PRKCE: variants seen among roughly 807,000 people sequenced by gnomAD.
PRKCE encodes protein kinase C epsilon type.
Under a neutral mutation model 85.4 loss-of-function variants are expected in PRKCE, and 16 were observed. That is an observed-to-expected ratio of 0.19 (90% CI 0.13 to 0.28). The LOEUF (loss-of-function observed/expected upper bound fraction) is 0.28, where lower values mean the gene tolerates loss of function less well. PRKCE is among the 10% of genes least tolerant of loss of function. PRKCE has a pLI of 1.00. For missense variants in PRKCE, 573 were observed against 975.2 expected, an observed-to-expected ratio of 0.59 and a Z score of 5.49; for synonymous variants, 388 against 371.5, an observed-to-expected ratio of 1.04 and a Z score of -0.51.
chr2:46,083,490 T>C (rs1051032309), intron 10 of PRKCE, among the ~76,000 whole-genome samples: 1 of 152,150 alleles, frequency 6.6e-6, no homozygotes, highest in Non-Finnish European at 1.5e-5. Flanking sequence ...GTCAAGGAAA[T>C]ACTCCATTGT....
At chr2:45,795,994 C>T (rs1180738380) in intron 1 of PRKCE, among the ~76,000 whole-genome samples, 3 of 152,222 alleles carry the variant, frequency 2.0e-5, no homozygotes, top group Non-Finnish European at 2.9e-5. Flanking sequence ...CTAAGCAATA[C>T]TCCCATCCTC....
intron 2 of PRKCE, among the ~76,000 whole-genome samples, chr2:45,858,273 AT>A (rs1365139680): frequency 6.6e-6 from 1 of 152,150 alleles, no homozygotes; most frequent in African/African-American, 2.4e-5. Context: ...TTTATTTTTA[AT>A]TTTTTTAAAC....
chr2:46,037,051 G>A (rs767665963), intron 10 of PRKCE, among the ~76,000 whole-genome samples: 10 of 152,128 alleles, frequency 6.6e-5, no homozygotes, highest in Admixed American at 2.0e-4. Context: ...CACAGCTGGC[G>A]TCCAGGACAC....
At chr2:45,728,444 T>C (rs1344955073) in intron 1 of PRKCE, among the ~76,000 whole-genome samples, 2 of 152,278 alleles carry the variant, frequency 1.3e-5, no homozygotes, top group East Asian at 3.9e-4. Flanking sequence ...CTTCCCCCAA[T>C]AGTCCCATGC....
rs146578193 is a variant in PRKCE at position 46,171,375 on chromosome 2, G to C, written c.2067+11623G>C. 7.1e-3 allele frequency among the ~76,000 whole-genome samples: 1,087 copies of C among 152,374 alleles called. 4 individuals are homozygous for C. The highest frequency in any genetic ancestry group is 0.012 in the Non-Finnish European group (800 of 68,034). Reference sequence around the variant, plus strand: ...CTTGCACTGTGAGGGGTACACGGCAGAATGCAGTTGTTTGTTTGATGTTAA... The same window carrying C: ...CTTGCACTGTGAGGGGTACACGGCACAATGCAGTTGTTTGTTTGATGTTAA... On this transcript the variant is annotated intron_variant, in intron 14 of 14. Coordinates refer to ENST00000306156, the MANE Select transcript of PRKCE (RefSeq NM_005400.3).
chr2:45,734,539 G>C (rs1681880746), intron 1 of PRKCE, among the ~76,000 whole-genome samples: 1 of 152,238 alleles, frequency 6.6e-6, no homozygotes, highest in South Asian at 2.1e-4. Context: ...GAGAGAAGCA[G>C]CAGCTTGATG....
chr2:45,884,995 A>ATTTTTTTTTTT (rs1210402363), intron 2 of PRKCE, among the ~76,000 whole-genome samples: 7 of 70,252 alleles, frequency 1.0e-4, no homozygotes, highest in East Asian at 6.0e-4. Flanking sequence ...ATATATATAT[A>ATTTTTTTTTTT]TATATATTTG....
intron 2 of PRKCE, among the ~76,000 whole-genome samples, chr2:45,855,651 G>T (rs756409999): frequency 2.6e-5 from 4 of 152,184 alleles, no homozygotes; most frequent in African/African-American, 9.7e-5. Flanking sequence ...TCCTTTCATC[G>T]TGCTTGCTTG....
rs751195190 is a variant in PRKCE at position 46,007,545 on chromosome 2, G to T, written c.1147G>T (p.Asp383Tyr). Residue 383 changes from aspartate to tyrosine, a missense_variant, in exon 9 of 15, where the codon GAT becomes TAT. Transcript: ENST00000306156. ...GGAGCACCGGGCAGCATCGTCTCCT[G>T]ATGGCCAGCTGATGAGCCCCGGTGA... The part of the protein sequence containing the change: ...GEEHRAASSP[D>Y]GQLMSPGENG... The T allele has an allele frequency of 6.3e-7, 1 of 1,599,692 alleles. No homozygotes were observed. Among genetic ancestry groups the T allele is most frequent in the Non-Finnish European group, 8.5e-7 (1 of 1,179,968 alleles).
At chr2:45,780,033 T>G (rs1039653247) in intron 1 of PRKCE, among the ~76,000 whole-genome samples, 1 of 149,414 alleles carries the variant, frequency 6.7e-6, no homozygotes, top group African/African-American at 2.5e-5. Flanking sequence ...ACATCATACA[T>G]TGCATCTGTA....
rs541720589 is a variant in PRKCE at position 45,859,355 on chromosome 2, G to C, written c.412+16292G>C. On this transcript the variant is annotated intron_variant, in intron 2 of 14. Transcript: ENST00000306156. ...ATTTACCCAGGCATGGTAAATGATGGTTCAACAGATACGTGCACATTCGGC... is the reference window on the plus strand; with the variant it reads ...ATTTACCCAGGCATGGTAAATGATGCTTCAACAGATACGTGCACATTCGGC... Among the ~76,000 whole-genome samples, 3 of 152,214 alleles carry C rather than the reference G, an allele frequency of 2.0e-5. No homozygotes were observed. In the East Asian group the frequency reaches 5.8e-4, roughly 29 times the overall value.
At chr2:45,718,223 T>G (rs1278083695) in intron 1 of PRKCE, among the ~76,000 whole-genome samples, 1 of 152,168 alleles carries the variant, frequency 6.6e-6, no homozygotes, top group Non-Finnish European at 1.5e-5. Flanking sequence ...CAAATGTCTT[T>G]AGACATTACC....
At chr2:45,943,399 G>C (rs1183801490) in intron 2 of PRKCE, among the ~76,000 whole-genome samples, 5 of 152,262 alleles carry the variant, frequency 3.3e-5, no homozygotes, top group Non-Finnish European at 7.3e-5. Flanking sequence ...AAGAGGGATA[G>C]GGCAGAGGGC....
chr2:45,761,199 C>T lies in PRKCE; in HGVS notation c.349-81801C>T, dbSNP rs201252523. Among the ~76,000 whole-genome samples the T allele has an allele frequency of 9.8e-4, 149 of 151,768 alleles. 1 individual carries two copies. Among genetic ancestry groups the T allele is most frequent in the African/African-American group, 2.9e-3 (122 of 41,362 alleles). ...AAAATTAGCCGAGTGTGGTGGTGGG[C>T]GCCTGTGGTCTCAGCTACTCGGGAG... On this transcript the variant is annotated intron_variant, in intron 1 of 14. Coordinates refer to ENST00000306156, the MANE Select transcript of PRKCE (RefSeq NM_005400.3).
chr2:45,905,318 A>T lies in PRKCE; in HGVS notation c.412+62255A>T, dbSNP rs561511670. Among the ~76,000 whole-genome samples the T allele has an allele frequency of 6.6e-6, 1 of 152,316 alleles. No individual in the cohort carries two copies. The highest frequency in any genetic ancestry group is 1.9e-4 in the East Asian group (1 of 5,186). ...AAGCTCCAAAAAAAAAGTAACTCAGAGGTCAAGGTGAACCCTGAATGAGTC... is the reference window on the plus strand; with the variant it reads ...AAGCTCCAAAAAAAAAGTAACTCAGTGGTCAAGGTGAACCCTGAATGAGTC... On this transcript the variant is annotated intron_variant, in intron 2 of 14. Transcript: ENST00000306156. This position sits in a 1 kb window ranked among gnomAD's most constrained non-coding sequence, Gnocchi z 4.4.
chr2:45,901,421 C>G (rs1696574672), intron 2 of PRKCE, among the ~76,000 whole-genome samples: 1 of 152,156 alleles, frequency 6.6e-6, no homozygotes, highest in African/African-American at 2.4e-5. Context: ...GGAACTAGAT[C>G]CAATAAAGTT....
chr2:45,740,436 C>T (rs1218395000), intron 1 of PRKCE, among the ~76,000 whole-genome samples: 1 of 152,158 alleles, frequency 6.6e-6, no homozygotes, highest in African/African-American at 2.4e-5. Flanking sequence ...GAGGAAAAGT[C>T]TGGCATTCAG....
rs114955934 is a variant in PRKCE at position 46,186,927 on chromosome 2, A to G, written c.*2046A>G. The G allele has an allele frequency of 5.9e-5, 9 of 152,398 alleles. No individual in the cohort carries two copies. The highest frequency in any genetic ancestry group is 5.9e-4 in the Admixed American group (9 of 15,266). The allele number at this position is 152,398 out of a possible 1,614,324, so 9.4% of individuals were successfully genotyped here. Reference sequence around the variant, plus strand: ...AAATATTAAATATTATGATATATCAATTCATGTGTTTGGCATACCAGTGAA... The same window carrying G: ...AAATATTAAATATTATGATATATCAGTTCATGTGTTTGGCATACCAGTGAA... On this transcript the variant is annotated 3_prime_UTR_variant, in exon 15 of 15. Transcript: ENST00000306156.
intron 10 of PRKCE, among the ~76,000 whole-genome samples, chr2:46,063,719 T>C (rs1667361430): frequency 1.3e-5 from 2 of 152,238 alleles, no homozygotes; most frequent in African/African-American, 4.8e-5. Flanking sequence ...TACAGTGTTT[T>C]GCTAGACCAA....
Sources: allele counts gnomAD v4.1 joint callset (sites outside exome capture counted in the v4.1 genomes callset), GRCh38; gene constraint gnomAD v4.1.1; non-coding constraint Gnocchi (gnomAD v3.1); transcripts MANE v1.5; gene names NCBI Gene and HGNC (gene_info 2026-07-23, HGNC 2026-07-21).